The following ASB14 variants were observed in gnomAD, a reference collection of about 807,000 sequenced individuals.
The protein encoded by ASB14 is ankyrin repeat and SOCS box protein 14.
ASB14 carries 63 observed loss-of-function variants against 55.6 expected under a neutral mutation model. The observed-to-expected ratio is 1.13, with a 90% CI of 0.92 to 1.40. The LOEUF (loss-of-function observed/expected upper bound fraction) is 1.40, where lower values mean the gene tolerates loss of function less well. ASB14 is among the 40% of genes most tolerant of loss of function. The pLI is 0.00. For missense variants in ASB14, 724 were observed against 710.4 expected (o/e 1.02, Z -0.22); for synonymous variants, 256 against 259.9 (o/e 0.98, Z 0.15).
At chr3:57,285,501 T>C (rs1222256358) in intron 5 of ASB14, among the ~76,000 whole-genome samples, 1 of 152,170 alleles carries the variant, frequency 6.6e-6, no homozygotes, top group East Asian at 1.9e-4. Context: ...CCCCACCACA[T>C]GTGCACATTT....
At chr3:57,283,525 AAGG>A (rs1349411733) in intron 5 of ASB14, 86 bp from the exon 6 acceptor site, 3 of 1,389,034 alleles carry the variant, frequency 2.2e-6, no homozygotes, top group Admixed American at 2.1e-5. Flanking sequence ...AGGCTTTCTT[AAGG>A]AGTTCTTCCC....
At chr3:57,280,189 A>AATT in intron 7 of ASB14, 113 bp downstream of exon 7, 1 of 429,942 alleles carries the variant, frequency 2.3e-6, no homozygotes, top group Non-Finnish European at 3.9e-6. Flanking sequence ...AAAAAAAAGT[A>AATT]TGTTTAGATT....
intron 10 of ASB14, chr3:57,272,483 ATT>A (rs2060949047): frequency 6.6e-6 from 1 of 152,184 alleles, no homozygotes; most frequent in African/African-American, 2.4e-5. Context: ...TGGTAAAGGC[ATT>A]TGAGTTAATT....
chr3:57,279,739 T>G (rs2061023685), intron 7 of ASB14, among the ~76,000 whole-genome samples: 1 of 152,022 alleles, frequency 6.6e-6, no homozygotes, highest in Admixed American at 6.6e-5. Flanking sequence ...CACACCTTCT[T>G]GGAAGGCCGG....
chr3:57,287,871 G>C, intron 5 of ASB14, 30 bp downstream of exon 5: 2 of 1,533,962 alleles, frequency 1.3e-6, no homozygotes, highest in Non-Finnish European at 1.7e-6. Context: ...CAGTGCCACA[G>C]ACTCTTTCAG....
chr3:57,283,177 CAA>C lies in ASB14; in HGVS notation c.715+15_715+16del. 6.4e-7 allele frequency: 1 copy of C among 1,551,954 alleles called. No homozygotes were observed. The highest frequency in any genetic ancestry group is 8.7e-7 in the Non-Finnish European group (1 of 1,146,908). On this transcript the variant is annotated intron_variant, in intron 6 of 10. Coordinates refer to ENST00000487349, the MANE Select transcript of ASB14 (RefSeq NM_001142733.3). ...TGTTACCCTTTGTTAGTGTGCTGAC[CAA>C]ACAGAAGATCTTGCCTTTCCGCAGT...
intron 5 of ASB14, among the ~76,000 whole-genome samples, chr3:57,285,186 C>T (rs535064411): frequency 3.5e-4 from 53 of 152,172 alleles, no homozygotes; most frequent in South Asian, 6.2e-4. Flanking sequence ...GGTGACCGGC[C>T]GGCCTCGGCC....
intron 10 of ASB14, chr3:57,272,999 T>G (rs1479778374): frequency 6.6e-6 from 1 of 152,614 alleles, no homozygotes; most frequent in Non-Finnish European, 1.5e-5. Context: ...AACCCTTTAT[T>G]TTTAGCAAGT....
chr3:57,285,504 G>A (rs930311971), intron 5 of ASB14, among the ~76,000 whole-genome samples: 4 of 151,954 alleles, frequency 2.6e-5, no homozygotes, highest in African/African-American at 9.7e-5. Flanking sequence ...CACCACATGT[G>A]CACATTTCTC....
chr3:57,278,634 T>C lies in ASB14; in HGVS notation c.1174A>G (p.Ile392Val). Residue 392 changes from isoleucine (I) to valine (V), a missense_variant, in exon 8 of 11, where the codon ATA (isoleucine) becomes GTA (valine). Ile to Val is a conservative substitution (Grantham distance 29, BLOSUM62 3). Coordinates refer to ENST00000487349, the MANE Select transcript of ASB14 (RefSeq NM_001142733.3). ...TCATAGTTGCCCATCCTGAGGGCTA[T>C]CTGGAGGCAGTTAACCGGGTCTTGA... ...PNQDPVNCLQ[I>V]ALRMGNYELI... The C allele has an allele frequency of 6.2e-7, 1 of 1,614,226 alleles. No individual in the cohort carries two copies. The highest frequency in any genetic ancestry group is 1.1e-5 in the South Asian group (1 of 91,084).
In ASB14 at chr3:57,280,358, G is replaced by A; in HGVS notation, c.831C>T (p.Ile277=). ...TGGGCAGGTGGCCTGAATTCTTAGG[G>A]ATGTTGGCATCAGCTCCATACTCCA... ...LLLEYGADAN[I]PKNSGHLPIH... The change falls in exon 7 of 11, where the codon ATC becomes ATT. Residue 277 remains isoleucine, a synonymous_variant. Transcript: ENST00000487349. 5.2e-6 allele frequency: 8 copies of A among 1,551,198 alleles called. No homozygotes were observed. In the South Asian group the frequency reaches 9.5e-5, roughly 18 times the overall value.
At position 57,283,309 on chromosome 3, in the gene ASB14, C is replaced by T. The variant is rs1307128818; in HGVS notation, c.600G>A (p.Lys200=). The change falls in exon 6 of 11, where the codon AAG becomes AAA. Residue 200 remains lysine, a synonymous_variant. Transcript: ENST00000487349. ...GGTGTGCCCCAGAAACCAGCATAAG[C>T]TTCACCATGTCCTCTCTGCCCAGTT... ...AAKLGREDMV[K]LMLVSGAHPD... is the part of the protein sequence containing the mutation. 2 of 1,551,854 alleles carry T rather than the reference C, an allele frequency of 1.3e-6. No homozygotes were observed. Among genetic ancestry groups the T allele is most frequent in the South Asian group, 2.4e-5 (2 of 84,060 alleles).
chr3:57,279,643 A>G (rs2061022479), intron 7 of ASB14, among the ~76,000 whole-genome samples: 1 of 151,772 alleles, frequency 6.6e-6, no homozygotes, highest in Admixed American at 6.6e-5. Context: ...GGTTGCGGTC[A>G]GCCGAGATCA....
At chr3:57,284,449 C>G (rs1014667496) in intron 5 of ASB14, among the ~76,000 whole-genome samples, 12 of 152,266 alleles carry the variant, frequency 7.9e-5, no homozygotes, top group African/African-American at 2.9e-4. Context: ...ATTCTATCAC[C>G]CTCTTCAAGA....
At chr3:57,275,482 A>G (rs2060978726) in intron 10 of ASB14, among the ~76,000 whole-genome samples, 1 of 152,012 alleles carries the variant, frequency 6.6e-6, no homozygotes, top group African/African-American at 2.4e-5. Flanking sequence ...ATTAAGATGA[A>G]AATCTCAGAA....
intron 2 of ASB14, among the ~76,000 whole-genome samples, chr3:57,290,008 T>C (rs1355063370): frequency 6.6e-6 from 1 of 152,240 alleles, no homozygotes; most frequent in African/African-American, 2.4e-5. Flanking sequence ...TCGGACACTC[T>C]GTCCTGTTTA....
rs1488131101 is a variant in ASB14, at chr3:57,283,379, T to C, written c.530A>G (p.Asn177Ser). 4 of 1,551,502 alleles carry C rather than the reference T, an allele frequency of 2.6e-6. No individual in the cohort carries two copies. Among genetic ancestry groups the C allele is most frequent in the East Asian group, 2.4e-5 (1 of 40,920 alleles). The change falls in exon 6 of 11, where the codon AAT (asparagine) becomes AGT (serine). Residue 177 changes from asparagine (N) to serine (S), a missense_variant. Asn to Ser is a conservative substitution (Grantham distance 46). Transcript: ENST00000487349. ...ALLINYGADV[N>S]LRCANERTAL... Reference sequence around the variant, plus strand: ...TGTCCTCTCGTTGGCACAACGCAGATTGACATCTGCTCCATAGTTGATCAG... The same window carrying C: ...TGTCCTCTCGTTGGCACAACGCAGACTGACATCTGCTCCATAGTTGATCAG...
chr3:57,278,284 C>T (rs1047529946), intron 8 of ASB14, 93 bp downstream of exon 8: 21 of 973,586 alleles, frequency 2.2e-5, no homozygotes, highest in African/African-American at 6.5e-5. Context: ...TCAACCAAGC[C>T]TCTGGAGAGA....
At chr3:57,291,348 C>T (rs1041683895) in intron 2 of ASB14, among the ~76,000 whole-genome samples, 2 of 97,550 alleles carry the variant, frequency 2.1e-5, no homozygotes, top group Non-Finnish European at 4.2e-5. Context: ...GATTGGCCAG[C>T]GAGCGTGTGA....
Sources: allele counts gnomAD v4.1 joint callset (sites outside exome capture counted in the v4.1 genomes callset), GRCh38; gene constraint gnomAD v4.1.1; transcripts MANE v1.5; gene names NCBI Gene and HGNC (gene_info 2026-07-23, HGNC 2026-07-21).